Variants in COL26A1 observed in about 807,000 individuals in gnomAD.
The protein encoded by COL26A1 is collagen alpha-1(XXVI) chain.
Under a neutral mutation model 59.3 loss-of-function variants are expected in COL26A1, and 41 were observed. That is an observed-to-expected ratio of 0.69 (90% confidence interval 0.54 to 0.90). COL26A1 has a LOEUF of 0.90. Ranked by LOEUF, COL26A1 falls within the 40% of genes least tolerant of loss-of-function variation. COL26A1 has a pLI of 0.00. For missense variants in COL26A1, 612 were observed against 602.3 expected (o/e 1.02, Z -0.17); for synonymous variants, 266 against 256.0 (o/e 1.04, Z -0.37).
chr7:101,400,618 G>T (rs1164454507), intron 1 of COL26A1, among the ~76,000 whole-genome samples: 1 of 151,996 alleles, frequency 6.6e-6, no homozygotes, highest in African/African-American at 2.4e-5. Context: ...GAGCGCAATG[G>T]TGCGGTCTCA....
chr7:101,468,175 C>G (rs1364208267), intron 3 of COL26A1, among the ~76,000 whole-genome samples: 1 of 151,908 alleles, frequency 6.6e-6, no homozygotes, highest in Non-Finnish European at 1.5e-5. Flanking sequence ...TGGTGGTGCA[C>G]GCCTGTAATC....
At chr7:101,494,605 A>G (rs1794541071) in intron 3 of COL26A1, among the ~76,000 whole-genome samples, 1 of 152,236 alleles carries the variant, frequency 6.6e-6, no homozygotes, top group South Asian at 2.1e-4. Flanking sequence ...CTTGAGGGGC[A>G]GGATTGAGTT....
intron 2 of COL26A1, among the ~76,000 whole-genome samples, chr7:101,445,701 C>T (rs1458502218): frequency 1.5e-5 from 2 of 130,628 alleles, no homozygotes; most frequent in African/African-American, 5.9e-5. Flanking sequence ...CACTGCACTC[C>T]AGCCTGGGCG....
At chr7:101,403,828 G>A (rs995939389) in intron 1 of COL26A1, among the ~76,000 whole-genome samples, 2 of 152,208 alleles carry the variant, frequency 1.3e-5, no homozygotes, top group Admixed American at 6.5e-5. Context: ...GGGCACGGTG[G>A]CTCACGCCTG....
intron 2 of COL26A1, among the ~76,000 whole-genome samples, chr7:101,431,130 T>G (rs1792769499): frequency 1.3e-5 from 2 of 152,218 alleles, no homozygotes; most frequent in South Asian, 4.1e-4. Context: ...TTTTCTTGCC[T>G]GTGTACTGGC....
At chr7:101,496,542 T>C (rs890456396) in intron 3 of COL26A1, among the ~76,000 whole-genome samples, 39 of 152,064 alleles carry the variant, frequency 2.6e-4, no homozygotes, top group Non-Finnish European at 4.6e-4. Flanking sequence ...TCTACGCTCA[T>C]CCTCTTCCTC....
intron 1 of COL26A1, among the ~76,000 whole-genome samples, chr7:101,386,907 C>T (rs1190120378): frequency 6.6e-6 from 1 of 152,102 alleles, no homozygotes; most frequent in Non-Finnish European, 1.5e-5. Context: ...GGCCTAGGTC[C>T]GGGACAGCTG....
At chr7:101,378,274 G>A (rs556394476) in intron 1 of COL26A1, among the ~76,000 whole-genome samples, 2 of 152,222 alleles carry the variant, frequency 1.3e-5, no homozygotes, top group African/African-American at 4.8e-5. Context: ...CAGCTACTTG[G>A]TATTGGCTCT....
At chr7:101,464,845 G>A (rs536480092) in intron 3 of COL26A1, among the ~76,000 whole-genome samples, 13 of 151,926 alleles carry the variant, frequency 8.6e-5, no homozygotes, top group African/African-American at 7.2e-5. Flanking sequence ...CTGAGTAGGC[G>A]GGACTACAGG....
chr7:101,419,343 C>G (rs1242340555), intron 1 of COL26A1, among the ~76,000 whole-genome samples: 1 of 151,982 alleles, frequency 6.6e-6, no homozygotes. Context: ...AACTCCTGGG[C>G]TCAAGAGATC....
At chr7:101,549,032 G>C in intron 8 of COL26A1, 139 bp from the exon 9 acceptor site, 1 of 487,876 alleles carries the variant, frequency 2.0e-6, no homozygotes, top group Non-Finnish European at 3.7e-6. Context: ...GAGGGGGTGT[G>C]CCTCCCTCCT....
At chr7:101,387,774 A>ATTTTTT (rs1185449488) in intron 1 of COL26A1, among the ~76,000 whole-genome samples, 91 of 48,880 alleles carry the variant, frequency 1.9e-3, no homozygotes, top group African/African-American at 2.0e-3. Context: ...ATATATATAT[A>ATTTTTT]TATATTTTTT....
intron 1 of COL26A1, among the ~76,000 whole-genome samples, chr7:101,375,403 A>G (rs772600760): frequency 1.5e-4 from 23 of 151,978 alleles, no homozygotes; most frequent in African/African-American, 5.6e-4. Context: ...TTTCACAAAC[A>G]TAGGAAGCAT....
At chr7:101,510,369 G>T (rs185725909) in intron 3 of COL26A1, among the ~76,000 whole-genome samples, 2 of 151,746 alleles carry the variant, frequency 1.3e-5, no homozygotes, top group Admixed American at 1.3e-4. Flanking sequence ...TCATGAAATC[G>T]CCCTCCCTGA....
At chr7:101,423,243 G>A (rs188028805) in intron 2 of COL26A1, among the ~76,000 whole-genome samples, 62 of 152,188 alleles carry the variant, frequency 4.1e-4, no homozygotes, top group Non-Finnish European at 7.5e-4. Flanking sequence ...TCTAGCCTGG[G>A]CGACAGAGTG....
At chr7:101,554,238 G>A (rs573564857) in intron 11 of COL26A1, among the ~76,000 whole-genome samples, 94 of 152,274 alleles carry the variant, frequency 6.2e-4, no homozygotes, top group African/African-American at 2.3e-3. Flanking sequence ...TTTCCCTTGA[G>A]TGTGTCAAAG....
chr7:101,483,761 A>G (rs761799070), intron 3 of COL26A1, among the ~76,000 whole-genome samples: 23 of 143,438 alleles, frequency 1.6e-4, no homozygotes, highest in Non-Finnish European at 3.1e-4. Flanking sequence ...TGCAACCTCC[A>G]CCTCCCGGGT....
chr7:101,390,893 CCTGTGGG>C (rs2130148389), intron 1 of COL26A1, among the ~76,000 whole-genome samples: 1 of 152,308 alleles, frequency 6.6e-6, no homozygotes, highest in East Asian at 1.9e-4. Flanking sequence ...GGGGGCCTTG[CCTGTGGG>C]CCTCCCGGGG....
intron 5 of COL26A1, 90 bp downstream of exon 5, chr7:101,540,139 T>A: frequency 7.7e-7 from 1 of 1,306,636 alleles, no homozygotes; most frequent in Non-Finnish European, 1.0e-6. Context: ...GGCCACACAC[T>A]AGACACTCTA....
Sources: gnomAD v4.1 joint callset for allele counts (sites outside exome capture counted in the v4.1 genomes callset) on GRCh38, gnomAD v4.1.1 for gene constraint, MANE v1.5 for transcripts, NCBI Gene and HGNC (gene_info 2026-07-23, HGNC 2026-07-21) for gene names.